Variants in SCGB2B2 observed in about 807,000 individuals in gnomAD.
SCGB2B2 encodes the protein secretoglobin family 2B member 2, also known as secretoglobin-like protein.
In SCGB2B2, 11 loss-of-function variants were observed where a neutral mutation model predicts 7.6. That is an observed-to-expected ratio of 1.45 (90% CI 0.91 to 2.40). The LOEUF is 2.40. Ranked by LOEUF, SCGB2B2 falls within the 30% of genes most tolerant of loss-of-function variation. The pLI is 0.00. For missense variants in SCGB2B2, 104 were observed against 115.4 expected, an observed-to-expected ratio of 0.90 and a Z score of 0.45; for synonymous variants, 50 against 48.6, an observed-to-expected ratio of 1.03 and a Z score of -0.12.
downstream of SCGB2B2, among the ~76,000 whole-genome samples, chr19:34,588,839 C>T (rs2065238132): frequency 1.5e-5 from 1 of 66,792 alleles, no homozygotes; most frequent in South Asian, 4.5e-4. Flanking sequence ...GCTAAGAGTT[C>T]ACTCTTGACT....
chr19:34,672,185 T>A (rs975208415), intron 1 of SCGB2B2, among the ~76,000 whole-genome samples: 15 of 152,086 alleles, frequency 9.9e-5, no homozygotes, highest in African/African-American at 3.4e-4. Context: ...TATCTAGTGA[T>A]GTCATCTCAT....
intron 1 of SCGB2B2, among the ~76,000 whole-genome samples, chr19:34,649,296 G>T (rs1219937283): frequency 6.6e-6 from 1 of 152,128 alleles, no homozygotes; most frequent in South Asian, 2.1e-4. Context: ...TTCAAAAAGG[G>T]AAGGAAAAAA....
downstream of SCGB2B2, among the ~76,000 whole-genome samples, chr19:34,589,845 G>A (rs1017301083): frequency 6.6e-5 from 10 of 152,002 alleles, no homozygotes; most frequent in African/African-American, 2.4e-4. Flanking sequence ...AGGATCAGGA[G>A]CCCCCGAGGG....
chr19:34,607,326 G>C (rs1180551860), intron 1 of SCGB2B2, among the ~76,000 whole-genome samples: 1 of 152,142 alleles, frequency 6.6e-6, no homozygotes, highest in Non-Finnish European at 1.5e-5. Flanking sequence ...TTGTGTGTGT[G>C]TATATATATC....
intron 1 of SCGB2B2, among the ~76,000 whole-genome samples, chr19:34,636,146 T>C (rs1307031260): frequency 6.6e-6 from 1 of 152,208 alleles, no homozygotes; most frequent in Non-Finnish European, 1.5e-5. Flanking sequence ...CAAAGAAATA[T>C]TGAAGTATAC....
rs2065345884 is a variant in SCGB2B2 at position 34,593,288 on chromosome 19, C to T, written c.*267G>A. On this transcript the variant is annotated 3_prime_UTR_variant, in exon 4 of 4. Coordinates refer to ENST00000601241, the MANE Select transcript of SCGB2B2 (RefSeq NM_001025591.4). ...TGAGCCAAGATCGCGCCAATGCACT[C>T]CAGCCACCCTCCTCCCCGCCAAAAA... 18 of 402,092 alleles carry T rather than the reference C, an allele frequency of 4.5e-5. No homozygotes were observed. Among genetic ancestry groups the T allele is most frequent in the Non-Finnish European group, 9.0e-6 (2 of 222,102 alleles). 24.9% of individuals were successfully genotyped at this position (402,092 alleles called of 1,614,324 possible).
At position 34,633,580 on chromosome 19, in the gene SCGB2B2, G is replaced by A. The variant is rs116976583; in HGVS notation, c.-2031-36986C>T. The stretch of plus-strand genomic sequence containing the variant: ...AAAAGAAAATAAGTCTACAGCAAAA[G>A]ACAGTAAATCAATGTTTGTGGCAAT... On this transcript the variant is annotated intron_variant, in intron 1 of 3. Transcript: ENST00000601241. Among the ~76,000 whole-genome samples, 228 of 152,232 alleles carry A rather than the reference G, an allele frequency of 1.5e-3. 11 individuals carry two copies. The highest frequency in any genetic ancestry group is 0.012 in the Admixed American group (182 of 15,286).
intron 1 of SCGB2B2, among the ~76,000 whole-genome samples, chr19:34,658,407 G>A (rs2067343206): frequency 6.6e-6 from 1 of 152,180 alleles, no homozygotes; most frequent in African/African-American, 2.4e-5. Flanking sequence ...ATAAAAAAAT[G>A]ATAAAGGGGA....
chr19:34,603,508 G>A (rs139482376), intron 1 of SCGB2B2, among the ~76,000 whole-genome samples: 1 of 152,150 alleles, frequency 6.6e-6, no homozygotes, highest in East Asian at 1.9e-4. Context: ...AATCCCCCAA[G>A]CAAAGCTTTC....
intron 1 of SCGB2B2, among the ~76,000 whole-genome samples, chr19:34,665,794 C>A (rs1162847220): frequency 1.3e-5 from 2 of 152,054 alleles, no homozygotes; most frequent in Non-Finnish European, 2.9e-5. Context: ...ACAGGCCCAG[C>A]CCTGGGAGGC....
chr19:34,611,429 G>GT (rs34858731), intron 1 of SCGB2B2, among the ~76,000 whole-genome samples: 47,823 of 151,330 alleles, frequency 0.32, 8,373 homozygotes, highest in Middle Eastern at 0.47. Context: ...AAATCTTTCT[G>GT]TTTTTTTGAT....
chr19:34,602,315 C>T (rs2065648209), intron 1 of SCGB2B2, among the ~76,000 whole-genome samples: 1 of 152,078 alleles, frequency 6.6e-6, no homozygotes, highest in Non-Finnish European at 1.5e-5. Flanking sequence ...TATCATTATT[C>T]TTTTTATATA....
Position 34,593,545 on chromosome 19 carries a change from G to A in SCGB2B2, c.*10C>T. 1 of 1,546,120 alleles carries A rather than the reference G, an allele frequency of 6.5e-7. No homozygotes were observed. The highest frequency in any genetic ancestry group is 8.8e-7 in the Non-Finnish European group (1 of 1,142,102). On this transcript the variant is annotated 3_prime_UTR_variant, in exon 4 of 4. Transcript: ENST00000601241. ...GGAGGGCCAATATCTGATCTGCAGG[G>A]GTCCTCAGATCAGAAGGCTGCTTCT...
chr19:34,674,272 C>G (rs981188867), intron 1 of SCGB2B2, among the ~76,000 whole-genome samples: 9 of 152,124 alleles, frequency 5.9e-5, no homozygotes, highest in African/African-American at 2.2e-4. Flanking sequence ...GGCAGGGATC[C>G]TGGTCTTGTC....
intron 1 of SCGB2B2, among the ~76,000 whole-genome samples, chr19:34,619,118 A>AT (rs1357896048): frequency 6.6e-6 from 1 of 152,110 alleles, no homozygotes; most frequent in South Asian, 2.1e-4. Context: ...TAAAGTTTCT[A>AT]TTTTTTTCTG....
chr19:34,627,720 A>G (rs191929313), intron 1 of SCGB2B2, among the ~76,000 whole-genome samples: 117 of 152,316 alleles, frequency 7.7e-4, no homozygotes, highest in African/African-American at 2.6e-3. Flanking sequence ...AACGAGACAG[A>G]AAGTTAACAA....
chr19:34,656,577 C>T (rs1029308270), intron 1 of SCGB2B2, among the ~76,000 whole-genome samples: 1 of 151,112 alleles, frequency 6.6e-6, no homozygotes, highest in Non-Finnish European at 1.5e-5. Flanking sequence ...CACTTCAGCC[C>T]AGGTAACAAA....
Position 34,600,201 on chromosome 19 carries a change from C to T in SCGB2B2, c.-2031-3607G>A, listed in dbSNP as rs140424954. ...AGTAAACGTTAATTTTGCTCTTTTA[C>T]AATTTATATGGCTGGGATCGTAATG... On this transcript the variant is annotated intron_variant, in intron 1 of 3. Coordinates refer to ENST00000601241, the MANE Select transcript of SCGB2B2 (RefSeq NM_001025591.4). Among the ~76,000 whole-genome samples the T allele has an allele frequency of 9.2e-5, 14 of 152,262 alleles. No individual in the cohort carries two copies. The East Asian group carries it at 2.7e-3, about 29-fold the overall frequency.
chr19:34,603,314 T>G (rs1285702474), intron 1 of SCGB2B2, among the ~76,000 whole-genome samples: 2 of 152,240 alleles, frequency 1.3e-5, no homozygotes, highest in African/African-American at 4.8e-5. Context: ...TGCATGAGGC[T>G]CACCTTGGCA....
Sources: gnomAD v4.1 joint callset for allele counts (sites outside exome capture counted in the v4.1 genomes callset) on GRCh38, gnomAD v4.1.1 for gene constraint, MANE v1.5 for transcripts, NCBI Gene and HGNC (gene_info 2026-07-23, HGNC 2026-07-21) for gene names.